The following FAM210A variants were observed in gnomAD, a reference collection of about 807,000 sequenced individuals.
FAM210A encodes family with sequence similarity 210 member A.
FAM210A carries 13 observed loss-of-function variants against 25.3 expected under a neutral mutation model. That is an observed-to-expected ratio of 0.51 (90% confidence interval 0.33 to 0.82). The LOEUF is 0.82. FAM210A is among the 40% of genes least tolerant of loss of function. The pLI is 0.02. For synonymous variants in FAM210A, 125 were observed against 118.7 expected, an observed-to-expected ratio of 1.05 and a Z score of -0.35; for missense variants, 319 against 323.2, an observed-to-expected ratio of 0.99 and a Z score of 0.10.
intron 1 of FAM210A, among the ~76,000 whole-genome samples, chr18:13,682,861 T>A (rs1324672517): frequency 6.6e-6 from 1 of 152,146 alleles, no homozygotes; most frequent in Non-Finnish European, 1.5e-5. Context: ...AGAGCAAGAC[T>A]CCGTTTCAAA....
chr18:13,696,259 C>A (rs979760709), intron 1 of FAM210A, among the ~76,000 whole-genome samples: 1 of 152,134 alleles, frequency 6.6e-6, no homozygotes, highest in Non-Finnish European at 1.5e-5. Flanking sequence ...CCAAAATACC[C>A]AGAATAGCCA....
At chr18:13,725,760 G>T (rs544916595) in intron 1 of FAM210A, among the ~76,000 whole-genome samples, 3 of 152,232 alleles carry the variant, frequency 2.0e-5, no homozygotes. Context: ...GAAATCTGGG[G>T]TGATGGCCAA....
intron 2 of FAM210A, among the ~76,000 whole-genome samples, 197 bp from the exon 3 acceptor site, chr18:13,672,170 A>C (rs1308824362): frequency 6.6e-6 from 1 of 152,202 alleles, no homozygotes; most frequent in African/African-American, 2.4e-5. Context: ...CACAAACATC[A>C]CATCACACGG....
chr18:13,713,943 T>A (rs1482475773), intron 1 of FAM210A, among the ~76,000 whole-genome samples: 1 of 152,202 alleles, frequency 6.6e-6, no homozygotes, highest in African/African-American at 2.4e-5. Context: ...CCCGGAAATT[T>A]AACTCTTAGT....
chr18:13,667,004 C>T (rs2043406277), intron 3 of FAM210A, among the ~76,000 whole-genome samples: 2 of 152,158 alleles, frequency 1.3e-5, no homozygotes, highest in African/African-American at 2.4e-5. Context: ...GACAGGTCAA[C>T]CTGGAAATCA....
Position 13,674,578 on chromosome 18 carries a change from GC to G in FAM210A, c.474-2606del, listed in dbSNP as rs1197394401. ...GTTTCCTGATTATTAACATTCCTGA[GC>G]CCCGACTTTATTTCCAGTTTCCTGA... is the stretch of plus-strand genomic sequence containing the variant. On this transcript the variant is annotated intron_variant, in intron 2 of 3. Coordinates refer to ENST00000651643, the MANE Select transcript of FAM210A (RefSeq NM_152352.4). Among the ~76,000 whole-genome samples, 2 of 13,954 alleles carry G rather than the reference GC, an allele frequency of 1.4e-4. 1 individual carries two copies. Among genetic ancestry groups the G allele is most frequent in the Non-Finnish European group, 3.3e-4 (2 of 6,062 alleles). The allele number at this position is 13,954 out of a possible 152,430, so 9.2% of individuals were successfully genotyped here. A position where few individuals can be genotyped will look rare whatever the true frequency, so the allele number is the denominator to read the frequency against.
At chr18:13,701,923 A>C (rs1018367720) in intron 1 of FAM210A, among the ~76,000 whole-genome samples, 1 of 152,244 alleles carries the variant, frequency 6.6e-6, no homozygotes, top group Non-Finnish European at 1.5e-5. Flanking sequence ...TCTTGGATAA[A>C]AAATGGGTTA....
At chr18:13,698,031 G>A (rs2149063982) in intron 1 of FAM210A, among the ~76,000 whole-genome samples, 1 of 152,230 alleles carries the variant, frequency 6.6e-6, no homozygotes, top group African/African-American at 2.4e-5. Flanking sequence ...GTCAGGTACA[G>A]TGGCTCACAT....
At chr18:13,699,942 ACT>A (rs2043725388) in intron 1 of FAM210A, among the ~76,000 whole-genome samples, 1 of 152,046 alleles carries the variant, frequency 6.6e-6, no homozygotes, top group South Asian at 2.1e-4. Context: ...GGGTAAAAAA[ACT>A]CTTTTTCTCT....
At chr18:13,668,627 T>C (rs2043419748) in intron 3 of FAM210A, among the ~76,000 whole-genome samples, 1 of 152,212 alleles carries the variant, frequency 6.6e-6, no homozygotes, top group African/African-American at 2.4e-5. Context: ...GTGATTTTAT[T>C]GTTGTGTGAA....
At chr18:13,721,728 A>G (rs898649143) in intron 1 of FAM210A, among the ~76,000 whole-genome samples, 1 of 152,144 alleles carries the variant, frequency 6.6e-6, no homozygotes, top group Non-Finnish European at 1.5e-5. Flanking sequence ...CACTGTGAGG[A>G]GAACCTGGGT....
intron 2 of FAM210A, among the ~76,000 whole-genome samples, chr18:13,678,271 T>A (rs1403731259): frequency 2.0e-5 from 3 of 152,074 alleles, no homozygotes; most frequent in Admixed American, 6.5e-5. Flanking sequence ...GAAGCAAGCA[T>A]CTAGTTCCAA....
At chr18:13,692,534 C>G (rs917449454) in intron 1 of FAM210A, among the ~76,000 whole-genome samples, 3 of 152,170 alleles carry the variant, frequency 2.0e-5, no homozygotes, top group African/African-American at 7.2e-5. Flanking sequence ...TGTAAAAGAA[C>G]AGAAATTATA....
intron 1 of FAM210A, among the ~76,000 whole-genome samples, chr18:13,684,405 GA>G (rs969654048): frequency 4.8e-4 from 69 of 144,620 alleles, no homozygotes; most frequent in East Asian, 3.2e-3. Flanking sequence ...CTCAAAAAAA[GA>G]AAAAAAAAAG....
intron 1 of FAM210A, among the ~76,000 whole-genome samples, chr18:13,711,536 A>C (rs1341218694): frequency 6.6e-6 from 1 of 152,158 alleles, no homozygotes; most frequent in Non-Finnish European, 1.5e-5. Context: ...ATTCTGTTAC[A>C]CATAATTACC....
intron 2 of FAM210A, among the ~76,000 whole-genome samples, chr18:13,676,541 GCT>G (rs2043504920): frequency 6.6e-6 from 1 of 152,176 alleles, no homozygotes; most frequent in Admixed American, 6.5e-5. Flanking sequence ...GATGGCTCTT[GCT>G]CTCTTTGGAC....
intron 1 of FAM210A, among the ~76,000 whole-genome samples, chr18:13,715,916 T>C (rs902676719): frequency 2.0e-5 from 3 of 152,168 alleles, no homozygotes; most frequent in African/African-American, 7.2e-5. Context: ...CACAAAAACT[T>C]TACCTGAAAC....
intron 1 of FAM210A, among the ~76,000 whole-genome samples, chr18:13,712,596 A>G (rs909024575): frequency 1.3e-5 from 2 of 152,124 alleles, no homozygotes; most frequent in Non-Finnish European, 2.9e-5. Flanking sequence ...AAGAGACTCA[A>G]GAGAGCTCAT....
At chr18:13,693,301 A>G (rs1475036740) in intron 1 of FAM210A, among the ~76,000 whole-genome samples, 1 of 152,226 alleles carries the variant, frequency 6.6e-6, no homozygotes, top group African/African-American at 2.4e-5. Context: ...TCACAGCCAA[A>G]TTCTACCAGA....
Sources: gnomAD v4.1 joint callset for allele counts (sites outside exome capture counted in the v4.1 genomes callset) on GRCh38, gnomAD v4.1.1 for gene constraint, MANE v1.5 for transcripts, NCBI Gene and HGNC (gene_info 2026-07-23, HGNC 2026-07-21) for gene names.